PCDH15: variants seen among roughly 807,000 people sequenced by gnomAD.
The protein encoded by PCDH15 is protocadherin-15.
In PCDH15, 129 loss-of-function variants were observed where a neutral mutation model predicts 178.5. The observed-to-expected ratio is 0.72, with a 90% CI of 0.63 to 0.84. The LOEUF is 0.84. Among genes scored for constraint, PCDH15 ranks in the 40% least tolerant of loss-of-function variants. The probability of loss-of-function intolerance (pLI) is 0.00; values close to 1 mark genes in which losing one functional copy is unlikely to be tolerated. For missense variants in PCDH15, 2,230 were observed against 2,099.9 expected, an observed-to-expected ratio of 1.06 and a Z score of -1.21; for synonymous variants, 800 against 732.0, an observed-to-expected ratio of 1.09 and a Z score of -1.50.
At chr10:55,570,756 G>T (rs1449038561) in intron 2 of PCDH15, among the ~76,000 whole-genome samples, 1 of 151,960 alleles carries the variant, frequency 6.6e-6, no homozygotes, top group Non-Finnish European at 1.5e-5. Context: ...GTTTTCAAAT[G>T]CTATTGATTT....
At chr10:54,687,438 A>T (rs1052374794) in intron 1 of PCDH15, among the ~76,000 whole-genome samples, 5 of 151,610 alleles carry the variant, frequency 3.3e-5, no homozygotes, top group African/African-American at 1.2e-4. Flanking sequence ...GTACATGAAT[A>T]AAAAAATGTG....
intron 15 of PCDH15, among the ~76,000 whole-genome samples, chr10:54,130,499 T>C (rs1309209016): frequency 2.6e-5 from 4 of 152,134 alleles, no homozygotes; most frequent in African/African-American, 9.7e-5. Context: ...AGCAGAGCCC[T>C]ATTTTCCTCA....
chr10:55,498,717 A>G (rs1043462260), intron 2 of PCDH15, among the ~76,000 whole-genome samples: 41 of 151,834 alleles, frequency 2.7e-4, no homozygotes, highest in African/African-American at 8.7e-4. Context: ...GCAGAAACTG[A>G]CAGTGACCTT....
At chr10:55,488,249 A>C (rs1840340711) in intron 2 of PCDH15, among the ~76,000 whole-genome samples, 1 of 151,602 alleles carries the variant, frequency 6.6e-6, no homozygotes, top group Non-Finnish European at 1.5e-5. Context: ...CATTTTAATT[A>C]TTTTGGCTAA....
intron 2 of PCDH15, among the ~76,000 whole-genome samples, chr10:54,908,275 G>A (rs1221649097): frequency 1.3e-5 from 2 of 152,190 alleles, no homozygotes; most frequent in Non-Finnish European, 2.9e-5. Context: ...CACACTGGCT[G>A]CGGCATGGCA....
At chr10:54,185,082 TACATACATACATTCATACATAC>T (rs1439985866) in intron 12 of PCDH15, 30 bp downstream of exon 12, 1 of 1,579,576 alleles carries the variant, frequency 6.3e-7, no homozygotes, top group Non-Finnish European at 8.7e-7. Flanking sequence ...CATACAAACA[TACATACATACATTCATACATAC>T]ATATGTATAT....
chr10:54,582,850 C>A (rs942762901), intron 2 of PCDH15, among the ~76,000 whole-genome samples: 5 of 152,068 alleles, frequency 3.3e-5, no homozygotes, highest in African/African-American at 9.7e-5. Context: ...ATGATTTTGC[C>A]ACTGCACTCT....
At chr10:54,479,419 C>A (rs1008581741) in intron 3 of PCDH15, among the ~76,000 whole-genome samples, 6 of 151,826 alleles carry the variant, frequency 4.0e-5, no homozygotes, top group African/African-American at 1.5e-4. Flanking sequence ...AATATAATAT[C>A]TTTAATACTA....
intron 25 of PCDH15, among the ~76,000 whole-genome samples, chr10:53,938,577 C>A (rs1490021491): frequency 1.3e-5 from 2 of 152,032 alleles, no homozygotes; most frequent in Non-Finnish European, 2.9e-5. Flanking sequence ...GGTATTTTAA[C>A]AATATTGGAT....
intron 30 of PCDH15, among the ~76,000 whole-genome samples, chr10:53,829,793 T>C (rs1314734734): frequency 6.6e-6 from 1 of 152,184 alleles, no homozygotes. Flanking sequence ...CTAGTTATAC[T>C]CTTGGCCTCA....
intron 5 of PCDH15, among the ~76,000 whole-genome samples, chr10:54,367,396 TAG>T (rs1946964052): frequency 6.6e-6 from 1 of 152,034 alleles, no homozygotes; most frequent in African/African-American, 2.4e-5. Flanking sequence ...CTGAAAAGAT[TAG>T]AGAGGGAAGT....
intron 2 of PCDH15, among the ~76,000 whole-genome samples, chr10:55,334,244 G>A (rs4007175): frequency 0.19 from 13,504 of 70,782 alleles, 770 homozygotes; most frequent in Non-Finnish European, 0.23. Flanking sequence ...ATATATATAT[G>A]TGTGTGTGTG....
At chr10:55,088,407 T>A (rs1164948008) in intron 2 of PCDH15, among the ~76,000 whole-genome samples, 1 of 152,008 alleles carries the variant, frequency 6.6e-6, no homozygotes, top group Admixed American at 6.6e-5. Flanking sequence ...TAGCTGGGAC[T>A]ACAGTTGTGC....
intron 5 of PCDH15, among the ~76,000 whole-genome samples, chr10:54,366,675 C>T (rs928031282): frequency 1.0e-5 from 1 of 95,522 alleles, no homozygotes; most frequent in Non-Finnish European, 2.2e-5. Flanking sequence ...AGCTAAATTT[C>T]TATTTTTTTT....
intron 10 of PCDH15, among the ~76,000 whole-genome samples, chr10:54,203,375 T>C (rs1044442400): frequency 2.0e-5 from 3 of 152,174 alleles, no homozygotes; most frequent in Non-Finnish European, 4.4e-5. Context: ...TGTTGGTGTA[T>C]GTGTGCACGT....
At chr10:54,677,422 GGT>G (rs1405060932) in intron 1 of PCDH15, among the ~76,000 whole-genome samples, 1 of 151,988 alleles carries the variant, frequency 6.6e-6, no homozygotes, top group Non-Finnish European at 1.5e-5. Context: ...TGTAAATGGG[GGT>G]GTATGAAGTT....
intron 2 of PCDH15, among the ~76,000 whole-genome samples, chr10:55,473,466 A>C (rs1840005130): frequency 6.6e-6 from 1 of 152,224 alleles, no homozygotes; most frequent in African/African-American, 2.4e-5. Context: ...CTGCTACTTT[A>C]AAGTATCTAA....
chr10:54,087,633 T>C lies in PCDH15; in HGVS notation c.1997+2351A>G, dbSNP rs527502748. ...AACTTTCTTTGTGCAAACTATTATG[T>C]AGATGCACGTCTTCATTTCTCTTGC... On this transcript the variant is annotated intron_variant, in intron 16 of 37. Coordinates refer to ENST00000644397, the MANE Select transcript of PCDH15 (RefSeq NM_001384140.1). Among the ~76,000 whole-genome samples the C allele has an allele frequency of 2.0e-5, 3 of 152,344 alleles. No homozygotes were observed. In the South Asian group the frequency reaches 6.2e-4, roughly 32 times the overall value.
At chr10:55,576,320 A>C (rs1257068254) in intron 2 of PCDH15, among the ~76,000 whole-genome samples, 2 of 152,236 alleles carry the variant, frequency 1.3e-5, no homozygotes, top group Non-Finnish European at 2.9e-5. Context: ...TAAGTGGATC[A>C]TCATAAGGGT....
Sources: gnomAD v4.1 joint callset for allele counts (sites outside exome capture counted in the v4.1 genomes callset) on GRCh38, gnomAD v4.1.1 for gene constraint, MANE v1.5 for transcripts, NCBI Gene and HGNC (gene_info 2026-07-23, HGNC 2026-07-21) for gene names.